The following STK32B variants were observed in gnomAD, a reference collection of about 807,000 sequenced individuals.
STK32B encodes serine/threonine kinase 32B.
A neutral mutation model predicts 52.6 loss-of-function variants in STK32B; 43 were observed. The observed-to-expected ratio is 0.82, with a 90% confidence interval of 0.64 to 1.05. The LOEUF is 1.05. Ranked by LOEUF, STK32B falls within the 50% of genes least tolerant of loss-of-function variation. STK32B has a pLI of 0.00. For missense variants in STK32B, 621 were observed against 534.6 expected, an observed-to-expected ratio of 1.16 and a Z score of -1.59; for synonymous variants, 238 against 204.3, an observed-to-expected ratio of 1.17 and a Z score of -1.41.
intron 11 of STK32B, among the ~76,000 whole-genome samples, chr4:5,495,356 A>G (rs998177485): frequency 1.3e-5 from 2 of 152,246 alleles, no homozygotes; most frequent in Admixed American, 1.3e-4. Context: ...CATTTCTTCC[A>G]GTTGATCTCA....
intron 4 of STK32B, among the ~76,000 whole-genome samples, chr4:5,391,710 TG>T (rs1736608563): frequency 6.6e-6 from 1 of 152,232 alleles, no homozygotes; most frequent in South Asian, 2.1e-4. Flanking sequence ...ATCTGGCCAT[TG>T]GATCAGTGCT....
At chr4:5,108,412 G>T (rs1038554579) in intron 1 of STK32B, among the ~76,000 whole-genome samples, 2 of 152,092 alleles carry the variant, frequency 1.3e-5, no homozygotes, top group African/African-American at 4.8e-5. Flanking sequence ...TCCCAGTCTT[G>T]GTTGGCGCTG....
chr4:5,246,889 A>T (rs970240838), intron 3 of STK32B, among the ~76,000 whole-genome samples: 4 of 152,108 alleles, frequency 2.6e-5, no homozygotes, highest in South Asian at 2.1e-4. Context: ...AGAACAGTGG[A>T]TATTGGTGAG....
chr4:5,025,296 AGT>A, the STK32B span, among the ~76,000 whole-genome samples: 693 of 152,018 alleles, frequency 4.6e-3, 5 homozygotes, highest in African/African-American at 0.016. Flanking sequence ...GATCCCCCAT[AGT>A]GATGTGAGGA....
At chr4:5,224,194 G>A (rs956869244) in intron 3 of STK32B, among the ~76,000 whole-genome samples, 1 of 152,182 alleles carries the variant, frequency 6.6e-6, no homozygotes, top group Non-Finnish European at 1.5e-5. Flanking sequence ...AGAAGAATAT[G>A]AATTTTGGAG....
chr4:5,311,754 A>G (rs1026267648), intron 3 of STK32B, among the ~76,000 whole-genome samples: 2 of 152,146 alleles, frequency 1.3e-5, no homozygotes, highest in Admixed American at 6.5e-5. Flanking sequence ...ACACTCCTAT[A>G]TCTGTTAAAT....
chr4:5,220,826 G>GGT (rs1723482894), intron 3 of STK32B, among the ~76,000 whole-genome samples: 1 of 152,128 alleles, frequency 6.6e-6, no homozygotes, highest in Non-Finnish European at 1.5e-5. Flanking sequence ...CAACTAAGGT[G>GGT]GTGGCAGTGG....
chr4:5,058,770 A>G lies in STK32B; in HGVS notation c.52+6855A>G, dbSNP rs553367777. 1.6e-4 allele frequency among the ~76,000 whole-genome samples: 25 copies of G among 151,928 alleles called. No homozygotes were observed. The highest frequency in any genetic ancestry group is 3.4e-4 in the Non-Finnish European group (23 of 68,000). ...TTATTTTACTTATTTATTTTTTGAT[A>G]TAGAATCTCTCTCTCTGTCTCCCAG... On this transcript the variant is annotated intron_variant, in intron 1 of 11. Coordinates refer to ENST00000282908, the MANE Select transcript of STK32B (RefSeq NM_018401.3). This position sits in a 1 kb window ranked among gnomAD's most constrained non-coding sequence, Gnocchi z 4.8.
At chr4:5,413,011 C>T (rs1711833450) in intron 5 of STK32B, among the ~76,000 whole-genome samples, 1 of 152,146 alleles carries the variant, frequency 6.6e-6, no homozygotes, top group African/African-American at 2.4e-5. Context: ...TGCTGGTTCC[C>T]CACACAGCCC....
intron 6 of STK32B, among the ~76,000 whole-genome samples, chr4:5,434,452 GTGTATATATATA>G (rs1439411256): frequency 7.0e-6 from 1 of 143,146 alleles, no homozygotes; most frequent in Non-Finnish European, 1.5e-5. Context: ...GTGTGTGTGT[GTGTATATATATA>G]TATATATATG....
intron 3 of STK32B, among the ~76,000 whole-genome samples, chr4:5,318,805 A>T (rs1032601866): frequency 4.8e-5 from 7 of 147,186 alleles, no homozygotes; most frequent in Non-Finnish European, 7.5e-5. Flanking sequence ...AATAGCAAGT[A>T]TTTTTTTTTT....
chr4:5,391,814 G>T (rs1278280521), intron 4 of STK32B, among the ~76,000 whole-genome samples: 1 of 152,184 alleles, frequency 6.6e-6, no homozygotes, highest in Admixed American at 6.5e-5. Context: ...GGCTAGAATG[G>T]CTCCCTCTGC....
chr4:5,166,377 C>T (rs1415632830), intron 2 of STK32B, among the ~76,000 whole-genome samples: 2 of 151,340 alleles, frequency 1.3e-5, no homozygotes, highest in East Asian at 2.0e-4. Context: ...CTTGATGGAA[C>T]GGTGTCCCAC....
At chr4:5,373,558 G>A (rs1487172553) in intron 4 of STK32B, among the ~76,000 whole-genome samples, 3 of 152,180 alleles carry the variant, frequency 2.0e-5, no homozygotes, top group South Asian at 2.1e-4. Context: ...GAGGCAACCT[G>A]CTTTACCCAG....
chr4:5,387,430 A>G (rs1430377268), intron 4 of STK32B, among the ~76,000 whole-genome samples: 1 of 152,202 alleles, frequency 6.6e-6, no homozygotes, highest in Non-Finnish European at 1.5e-5. Flanking sequence ...CAGGCCAGTG[A>G]CATGCAGTGA....
intron 6 of STK32B, among the ~76,000 whole-genome samples, chr4:5,446,023 G>T (rs1328702216): frequency 6.6e-6 from 1 of 152,140 alleles, no homozygotes; most frequent in Non-Finnish European, 1.5e-5. Context: ...TCCTCACTCT[G>T]GGTTTACCCC....
At chr4:5,447,035 C>A in intron 7 of STK32B, 1 of 354,510 alleles carries the variant, frequency 2.8e-6, no homozygotes, top group Non-Finnish European at 5.3e-6. Context: ...GGATCAGTGA[C>A]AAGTCAAACA....
At chr4:5,150,316 G>A (rs1189732839) in intron 2 of STK32B, among the ~76,000 whole-genome samples, 1 of 151,758 alleles carries the variant, frequency 6.6e-6, no homozygotes, top group Non-Finnish European at 1.5e-5. Flanking sequence ...CTGCTTTATT[G>A]TCCTTATGCT....
At chr4:5,195,608 G>T (rs527754995) in intron 3 of STK32B, among the ~76,000 whole-genome samples, 1 of 152,146 alleles carries the variant, frequency 6.6e-6, no homozygotes, top group Non-Finnish European at 1.5e-5. Context: ...CAGGAGAATC[G>T]CTTGAACCTG....
Sources: gnomAD v4.1 joint callset for allele counts (sites outside exome capture counted in the v4.1 genomes callset) on GRCh38, gnomAD v4.1.1 for gene constraint, Gnocchi (gnomAD v3.1) non-coding constraint, MANE v1.5 for transcripts, NCBI Gene and HGNC (gene_info 2026-07-23, HGNC 2026-07-21) for gene names.